Variants in AFF2 observed in about 807,000 individuals in gnomAD.
The protein encoded by AFF2 is AF4/FMR2 family member 2.
A neutral mutation model predicts 76.9 loss-of-function variants in AFF2; 14 were observed. That is an observed-to-expected ratio of 0.18 (90% CI 0.12 to 0.28). The LOEUF is 0.28. Ranked by LOEUF, AFF2 falls within the 10% of genes least tolerant of loss-of-function variation. AFF2 has a pLI of 1.00. For missense variants in AFF2, 868 were observed against 1,001.1 expected (o/e 0.87, Z 1.79); for synonymous variants, 398 against 366.7 (o/e 1.09, Z -0.98).
chrX:148,823,670 G>A (rs1255411671), intron 4 of AFF2, among the ~76,000 whole-genome samples: 2 of 111,901 alleles, frequency 1.8e-5, no homozygotes, highest in Admixed American at 1.9e-4. Flanking sequence ...ATTCTAGACT[G>A]TGTTTAGAGT....
chrX:148,540,190 G>A (rs2052836204), intron 1 of AFF2, among the ~76,000 whole-genome samples: 1 of 111,286 alleles, frequency 9.0e-6, no homozygotes, highest in South Asian at 3.8e-4. Context: ...TTCAAGATGA[G>A]GACTAAAATG....
At chrX:148,666,240 A>G (rs1013683320) in intron 3 of AFF2, among the ~76,000 whole-genome samples, 2 of 112,138 alleles carry the variant, frequency 1.8e-5, no homozygotes, top group African/African-American at 6.5e-5. Flanking sequence ...ACTTTATTGC[A>G]AAAGGTCAGC....
chrX:148,998,353 C>T lies in AFF2; in HGVS notation c.*7021C>T, dbSNP rs1289781292. 2.7e-5 allele frequency: 3 copies of T among 111,907 alleles called. No homozygotes were observed. In the East Asian group the frequency reaches 8.4e-4, roughly 31 times the overall value. The allele number at this position is 111,907 out of a possible 1,213,427, so 9.2% of individuals were successfully genotyped here. ...AACAAATAGTTAAATTAAATGTGAGCTTCTGAATTGTACTTGTTCATACTT... is the reference window on the plus strand; with the variant it reads ...AACAAATAGTTAAATTAAATGTGAGTTTCTGAATTGTACTTGTTCATACTT... On this transcript the variant is annotated 3_prime_UTR_variant, in exon 21 of 21. Coordinates refer to ENST00000370460, the MANE Select transcript of AFF2 (RefSeq NM_002025.4).
intron 20 of AFF2, among the ~76,000 whole-genome samples, chrX:148,988,615 T>A (rs1557291892): frequency 8.9e-6 from 1 of 112,034 alleles, no homozygotes; most frequent in Non-Finnish European, 1.9e-5. Context: ...AATTCTGAGT[T>A]CAAGGTAGAA....
chrX:148,967,122 T>TG, intron 14 of AFF2, 43 bp downstream of exon 14: 1 of 1,191,610 alleles, frequency 8.4e-7, no homozygotes, highest in Non-Finnish European at 1.1e-6. Flanking sequence ...GAGTAGTGAA[T>TG]GGGGGGTGGG....
At chrX:148,588,740 C>A (rs782412934) in intron 1 of AFF2, among the ~76,000 whole-genome samples, 12 of 111,724 alleles carry the variant, frequency 1.1e-4, no homozygotes, top group Admixed American at 2.9e-4. Context: ...CTGTCTTCTT[C>A]TTTTTGATCA....
At chrX:148,600,543 T>C (rs2053616625) in intron 1 of AFF2, among the ~76,000 whole-genome samples, 2 of 112,222 alleles carry the variant, frequency 1.8e-5, no homozygotes, top group Admixed American at 1.9e-4. Flanking sequence ...AAAGAAAAGC[T>C]TCAGTTCAGC....
At chrX:148,555,180 C>T (rs2053039056) in intron 1 of AFF2, among the ~76,000 whole-genome samples, 1 of 111,994 alleles carries the variant, frequency 8.9e-6, no homozygotes, top group South Asian at 3.8e-4. Flanking sequence ...CCCTGACACT[C>T]ACATGTTGTG....
At chrX:148,862,328 T>A (rs1318788704) in intron 7 of AFF2, among the ~76,000 whole-genome samples, 2 of 111,214 alleles carry the variant, frequency 1.8e-5, no homozygotes, top group African/African-American at 6.5e-5. Context: ...TTGAGGCCAC[T>A]CAGCCCAGCT....
intron 3 of AFF2, among the ~76,000 whole-genome samples, chrX:148,726,940 A>T: frequency 8.9e-6 from 1 of 111,778 alleles, no homozygotes; most frequent in East Asian, 2.8e-4. Flanking sequence ...GGCAGTACAG[A>T]TTAACAGAGC....
chrX:148,597,780 C>A (rs1442025568), intron 1 of AFF2, among the ~76,000 whole-genome samples: 4 of 112,143 alleles, frequency 3.6e-5, no homozygotes, highest in African/African-American at 9.7e-5. Flanking sequence ...ACCTCTGCTC[C>A]CACAGGGCTG....
intron 3 of AFF2, among the ~76,000 whole-genome samples, chrX:148,802,487 A>T (rs2070072610): frequency 8.9e-6 from 1 of 112,429 alleles, no homozygotes; most frequent in African/African-American, 3.2e-5. Flanking sequence ...GCCCTTATTG[A>T]TAAAAGAAAA....
At chrX:148,859,526 C>T (rs1379779821) in intron 7 of AFF2, among the ~76,000 whole-genome samples, 2 of 110,118 alleles carry the variant, frequency 1.8e-5, no homozygotes, top group African/African-American at 3.3e-5. Context: ...CTATAAACAA[C>T]TGAAATATAA....
chrX:148,904,855 A>T (rs1336256926), intron 9 of AFF2, among the ~76,000 whole-genome samples: 2 of 112,412 alleles, frequency 1.8e-5, no homozygotes, highest in African/African-American at 3.2e-5. Flanking sequence ...CATCTTAGAC[A>T]TCCTGTCTCT....
chrX:148,671,009 T>C (rs1324248563), intron 3 of AFF2, among the ~76,000 whole-genome samples: 2 of 110,841 alleles, frequency 1.8e-5, no homozygotes, highest in African/African-American at 6.6e-5. Context: ...TTCTTTCTCC[T>C]ATGTATTTTT....
At chrX:148,647,252 C>T (rs1557255573) in intron 1 of AFF2, among the ~76,000 whole-genome samples, 1 of 112,353 alleles carries the variant, frequency 8.9e-6, no homozygotes, top group East Asian at 2.8e-4. Context: ...GACTGGAAAA[C>T]AAGTGAGGCT....
intron 4 of AFF2, among the ~76,000 whole-genome samples, chrX:148,814,363 T>A (rs968953980): frequency 8.9e-6 from 1 of 112,236 alleles, no homozygotes; most frequent in Non-Finnish European, 1.9e-5. Flanking sequence ...TATTTGTTCA[T>A]AGAAAGAATT....
intron 3 of AFF2, among the ~76,000 whole-genome samples, chrX:148,807,922 CA>C (rs1212769697): frequency 8.9e-6 from 1 of 112,202 alleles, no homozygotes; most frequent in Non-Finnish European, 1.9e-5. Context: ...ATATATTCTG[CA>C]AACATTCATT....
intron 20 of AFF2, 145 bp downstream of exon 20, chrX:148,987,702 C>T: frequency 2.0e-6 from 1 of 512,553 alleles, no homozygotes; most frequent in Non-Finnish European, 3.1e-6. Flanking sequence ...AGAGTTCGCT[C>T]AGGGCTGACA....
Sources: allele counts gnomAD v4.1 joint callset (sites outside exome capture counted in the v4.1 genomes callset), GRCh38; gene constraint gnomAD v4.1.1; transcripts MANE v1.5; gene names NCBI Gene and HGNC (gene_info 2026-07-23, HGNC 2026-07-21).